Variants in ADGRB3 observed in about 807,000 individuals in gnomAD.
ADGRB3 encodes the protein brain-specific angiogenesis inhibitor 3.
ADGRB3 carries 37 observed loss-of-function variants against 193.4 expected under a neutral mutation model. The ratio of observed to expected loss-of-function variants is 0.19; its 90% CI spans 0.15 to 0.25. The LOEUF (loss-of-function observed/expected upper bound fraction) is 0.25, where lower values mean the gene tolerates loss of function less well. Ranked by LOEUF, ADGRB3 falls within the 10% of genes least tolerant of loss-of-function variation. The pLI is 1.00. For synonymous variants in ADGRB3, 690 were observed against 644.2 expected (o/e 1.07, Z -1.08); for missense variants, 1,637 against 1,852.9 (o/e 0.88, Z 2.14).
At chr6:69,206,720 G>GA (rs1469807632) in intron 17 of ADGRB3, among the ~76,000 whole-genome samples, 1 of 152,136 alleles carries the variant, frequency 6.6e-6, no homozygotes, top group Non-Finnish European at 1.5e-5. Context: ...AAAAGAAGGA[G>GA]AAAATACTCA....
intron 3 of ADGRB3, among the ~76,000 whole-genome samples, chr6:68,643,149 T>G (rs1233103252): frequency 6.6e-6 from 1 of 152,184 alleles, no homozygotes; most frequent in African/African-American, 2.4e-5. Context: ...TTGGGATCTC[T>G]GTATAGATTC....
chr6:68,956,650 G>T lies in ADGRB3; in HGVS notation c.1366G>T (p.Gly456Cys), dbSNP rs773530608. ...CCATGAAACATTTCTTTCAGCCAAT[G>T]GTCAATGGAATCAGTGGGGTCATTG... is the stretch of plus-strand genomic sequence containing the variant. ...ECYNPECTAN[G>C]QWNQWGHWSG... Residue 456 changes from glycine (G) to cysteine (C), a missense_variant, in exon 8 of 32, where the codon GGT (glycine) becomes TGT (cysteine). Around this residue, in one of 7 missense-constraint regions of ADGRB3, gnomAD observed 641 missense variants for 673.9 expected, o/e 0.95. Coordinates refer to ENST00000370598, the MANE Select transcript of ADGRB3 (RefSeq NM_001704.3). 1 of 1,613,938 alleles carries T rather than the reference G, an allele frequency of 6.2e-7. No homozygotes were observed. Among genetic ancestry groups the T allele is most frequent in the Non-Finnish European group, 8.5e-7 (1 of 1,179,920 alleles).
intron 8 of ADGRB3, among the ~76,000 whole-genome samples, chr6:68,965,446 T>A (rs967678784): frequency 2.4e-5 from 3 of 126,912 alleles, no homozygotes; most frequent in Non-Finnish European, 4.6e-5. Flanking sequence ...GTAGTACATG[T>A]TTTTTTTTTG....
intron 3 of ADGRB3, among the ~76,000 whole-genome samples, chr6:68,901,603 C>A (rs897193730): frequency 2.0e-5 from 3 of 152,080 alleles, no homozygotes; most frequent in Non-Finnish European, 4.4e-5. Flanking sequence ...TAAAATATTT[C>A]TTTTGTCATT....
intron 20 of ADGRB3, among the ~76,000 whole-genome samples, chr6:69,285,678 A>G (rs1242431420): frequency 1.3e-5 from 2 of 152,064 alleles, no homozygotes; most frequent in Non-Finnish European, 2.9e-5. Flanking sequence ...CTTAAAAATA[A>G]ATAAATAAAT....
At chr6:69,002,836 A>G (rs1394906786) in intron 11 of ADGRB3, among the ~76,000 whole-genome samples, 1 of 152,192 alleles carries the variant, frequency 6.6e-6, no homozygotes, top group African/African-American at 2.4e-5. Flanking sequence ...AGCCTTCAAG[A>G]CACAACCTGA....
At chr6:69,106,649 G>T (rs1023580611) in intron 17 of ADGRB3, among the ~76,000 whole-genome samples, 7 of 152,194 alleles carry the variant, frequency 4.6e-5, no homozygotes, top group African/African-American at 1.7e-4. Flanking sequence ...TTAATCGTAT[G>T]CTTTATAGTA....
chr6:68,961,266 C>T (rs558280230), intron 8 of ADGRB3, among the ~76,000 whole-genome samples: 3 of 152,226 alleles, frequency 2.0e-5, no homozygotes, highest in Non-Finnish European at 2.9e-5. Context: ...TCCTCTACCA[C>T]GAAGAGCAGG....
intron 17 of ADGRB3, among the ~76,000 whole-genome samples, chr6:69,084,068 C>G (rs1411211783): frequency 6.6e-6 from 1 of 152,102 alleles, no homozygotes; most frequent in African/African-American, 2.4e-5. Context: ...AGCCACTATG[C>G]CTGGTCTTAA....
At chr6:68,985,824 A>C (rs896629564) in intron 10 of ADGRB3, among the ~76,000 whole-genome samples, 5 of 152,130 alleles carry the variant, frequency 3.3e-5, no homozygotes, top group African/African-American at 1.2e-4. Context: ...AGTAATGGAA[A>C]TAGAATTGAG....
intron 17 of ADGRB3, among the ~76,000 whole-genome samples, chr6:69,173,750 A>G (rs957687870): frequency 6.6e-6 from 1 of 152,184 alleles, no homozygotes; most frequent in Admixed American, 6.5e-5. Context: ...ATAAACAGTG[A>G]CAGGTGGATA....
chr6:69,260,321 A>C (rs547242931), intron 20 of ADGRB3, among the ~76,000 whole-genome samples: 1 of 152,324 alleles, frequency 6.6e-6, no homozygotes, highest in Admixed American at 6.5e-5. Context: ...CCTACCTTCC[A>C]GAAGTCAATA....
chr6:69,112,776 G>A (rs1334210638), intron 17 of ADGRB3, among the ~76,000 whole-genome samples: 1 of 142,178 alleles, frequency 7.0e-6, no homozygotes, highest in Non-Finnish European at 1.5e-5. Context: ...TTTTTTTTTT[G>A]AGATGGAGTC....
intron 20 of ADGRB3, among the ~76,000 whole-genome samples, chr6:69,253,695 A>G (rs577793765): frequency 5.3e-5 from 8 of 152,266 alleles, no homozygotes; most frequent in Non-Finnish European, 1.0e-4. Context: ...TTGTCTTTCA[A>G]TACTCTGTCT....
At chr6:69,383,096 T>C (rs1769986949) in intron 31 of ADGRB3, among the ~76,000 whole-genome samples, 161 bp downstream of exon 31, 2 of 151,920 alleles carry the variant, frequency 1.3e-5, no homozygotes, top group Admixed American at 6.6e-5. Flanking sequence ...CCAAGACAAA[T>C]TAGGAATGAC....
intron 17 of ADGRB3, among the ~76,000 whole-genome samples, chr6:69,197,327 A>G (rs1765322160): frequency 6.6e-6 from 1 of 152,024 alleles, no homozygotes; most frequent in African/African-American, 2.4e-5. Flanking sequence ...AGTGTTTATA[A>G]TGTTGCATAT....
intron 13 of ADGRB3, among the ~76,000 whole-genome samples, chr6:69,040,345 C>CTTTCTTTCTTTCTTTCTTTCTTTCTTTCT (rs1771001597): frequency 7.7e-5 from 4 of 51,976 alleles, no homozygotes; most frequent in African/African-American, 1.2e-4. Flanking sequence ...TTCTTTCTTT[C>CTTTCTTTCTTTCTTTCTTTCTTTCTTTCT]TTTCTTTCTT....
At chr6:69,292,544 T>G (rs1767711058) in intron 20 of ADGRB3, among the ~76,000 whole-genome samples, 1 of 152,168 alleles carries the variant, frequency 6.6e-6, no homozygotes, top group Non-Finnish European at 1.5e-5. Context: ...CATTCTTACT[T>G]CCTTCCACTC....
chr6:69,104,149 T>C (rs1003993462), intron 17 of ADGRB3, among the ~76,000 whole-genome samples: 113 of 151,448 alleles, frequency 7.5e-4, no homozygotes, highest in Admixed American at 2.2e-3. Flanking sequence ...ACTTGTCATC[T>C]AGCATTAGGT....
Sources: allele counts gnomAD v4.1 joint callset (sites outside exome capture counted in the v4.1 genomes callset), GRCh38; gene constraint gnomAD v4.1.1; regional missense constraint gnomAD v4.1.1; transcripts MANE v1.5; gene names NCBI Gene and HGNC (gene_info 2026-07-23, HGNC 2026-07-21).